Variants in PAQR5 observed in about 807,000 individuals in gnomAD.
PAQR5 encodes membrane progestin receptor gamma.
PAQR5 carries 20 observed loss-of-function variants against 34.5 expected under a neutral mutation model. That is an observed-to-expected ratio of 0.58 (90% CI 0.41 to 0.84). PAQR5 has a LOEUF of 0.84. Among genes scored for constraint, PAQR5 ranks in the 40% least tolerant of loss-of-function variants. PAQR5 has a pLI of 0.00. For synonymous variants in PAQR5, 131 were observed against 155.6 expected (o/e 0.84, Z 1.18); for missense variants, 378 against 412.7 (o/e 0.92, Z 0.73).
intron 1 of PAQR5, among the ~76,000 whole-genome samples, chr15:69,319,153 A>G (rs530898151): frequency 1.4e-5 from 1 of 73,286 alleles, no homozygotes; most frequent in South Asian, 5.3e-4. Flanking sequence ...ATATATAAAT[A>G]TATACATATA....
intron 1 of PAQR5, among the ~76,000 whole-genome samples, chr15:69,299,428 TA>T (rs1265296854): frequency 6.6e-6 from 1 of 151,146 alleles, no homozygotes; most frequent in African/African-American, 2.4e-5. Context: ...CCCACTTTAA[TA>T]AAACCCTTGG....
intron 2 of PAQR5, among the ~76,000 whole-genome samples, chr15:69,341,560 T>C (rs1446402226): frequency 3.9e-5 from 6 of 152,084 alleles, no homozygotes; most frequent in South Asian, 2.1e-4. Flanking sequence ...TCCTGTAGTA[T>C]AGATATACCA....
At chr15:69,306,977 A>G (rs1265953688) in intron 1 of PAQR5, among the ~76,000 whole-genome samples, 2 of 152,158 alleles carry the variant, frequency 1.3e-5, no homozygotes, top group African/African-American at 4.8e-5. Context: ...CACTTAGCAT[A>G]GTGTCTTCAC....
At chr15:69,324,981 C>T (rs1305883672) in intron 1 of PAQR5, among the ~76,000 whole-genome samples, 1 of 151,138 alleles carries the variant, frequency 6.6e-6, no homozygotes, top group Non-Finnish European at 1.5e-5. Flanking sequence ...ACATTACAAT[C>T]TCTTCCTCCC....
At chr15:69,335,138 C>A (rs550149861) in intron 1 of PAQR5, among the ~76,000 whole-genome samples, 1 of 150,498 alleles carries the variant, frequency 6.6e-6, no homozygotes, top group African/African-American at 2.4e-5. Flanking sequence ...GCAGGAGAAT[C>A]GTTTGAACCC....
chr15:69,315,645 T>C (rs2053928568), intron 1 of PAQR5, among the ~76,000 whole-genome samples: 1 of 152,246 alleles, frequency 6.6e-6, no homozygotes. Flanking sequence ...ACTGGCACTT[T>C]CCACCTCACA....
Position 69,322,387 on chromosome 15 carries a change from A to G in PAQR5, c.-276-14954A>G, listed in dbSNP as rs999737865. ...CCTGTAATCCCAGCTACTTAGGAGGATAAGACAGGAGGCAGAGGTTGCAGT... is the reference window on the plus strand; with the variant it reads ...CCTGTAATCCCAGCTACTTAGGAGGGTAAGACAGGAGGCAGAGGTTGCAGT... On this transcript the variant is annotated intron_variant, in intron 1 of 8. Coordinates refer to ENST00000395407, the MANE Select transcript of PAQR5 (RefSeq NM_017705.4). 1.0e-4 allele frequency among the ~76,000 whole-genome samples: 15 copies of G among 149,144 alleles called. 1 individual carries two copies. The highest frequency in any genetic ancestry group is 3.8e-4 in the African/African-American group (15 of 39,836).
At position 69,397,448 on chromosome 15, in the gene PAQR5, A is replaced by G; in HGVS notation, c.513-20A>G. The G allele has an allele frequency of 6.5e-7, 1 of 1,545,872 alleles. No individual in the cohort carries two copies. The highest frequency in any genetic ancestry group is 1.7e-5 in the Admixed American group (1 of 59,936). On this transcript the variant is annotated intron_variant, in intron 6 of 8. Coordinates refer to ENST00000395407, the MANE Select transcript of PAQR5 (RefSeq NM_017705.4). ...ACTCTTTTCATTCCATTTCCTCCCC[A>G]CTTTCCTTCCCTGATTTAGGTTTCT...
At chr15:69,343,428 T>C (rs1307460749) in intron 2 of PAQR5, among the ~76,000 whole-genome samples, 1 of 152,048 alleles carries the variant, frequency 6.6e-6, no homozygotes, top group Non-Finnish European at 1.5e-5. Flanking sequence ...GGGAAAGAAA[T>C]AGAGGCAAAA....
chr15:69,338,087 A>G lies in PAQR5; in HGVS notation c.-116+586A>G, dbSNP rs374727643. On this transcript the variant is annotated intron_variant, in intron 2 of 8. Transcript: ENST00000395407. Reference sequence around the variant, plus strand: ...GCAAGACTCTGTCTCAAAACAAACAAACAAACAAAAAAACCAGAAACAACA... The same window carrying G: ...GCAAGACTCTGTCTCAAAACAAACAGACAAACAAAAAAACCAGAAACAACA... Among the ~76,000 whole-genome samples the G allele has an allele frequency of 3.3e-5, 5 of 152,000 alleles. No homozygotes were observed. The East Asian group carries it at 5.8e-4, about 18-fold the overall frequency.
At chr15:69,336,120 T>C (rs2140701515) in intron 1 of PAQR5, among the ~76,000 whole-genome samples, 1 of 152,332 alleles carries the variant, frequency 6.6e-6, no homozygotes, top group East Asian at 1.9e-4. Context: ...GTCTCCTCTA[T>C]CAGAGTAAAG....
intron 2 of PAQR5, among the ~76,000 whole-genome samples, chr15:69,356,822 T>A (rs1423153715): frequency 6.6e-6 from 1 of 152,188 alleles, no homozygotes; most frequent in Non-Finnish European, 1.5e-5. Flanking sequence ...AGAATTTCCT[T>A]CCTTTTTAAG....
chr15:69,343,484 C>T (rs1427281436), intron 2 of PAQR5, among the ~76,000 whole-genome samples: 1 of 152,186 alleles, frequency 6.6e-6, no homozygotes, highest in Non-Finnish European at 1.5e-5. Context: ...TATGGTCTTC[C>T]ACTTGCAAGT....
intron 1 of PAQR5, among the ~76,000 whole-genome samples, chr15:69,330,634 T>A (rs193044732): frequency 4.1e-4 from 63 of 152,162 alleles, no homozygotes; most frequent in African/African-American, 1.4e-3. Flanking sequence ...CGACTCCCTA[T>A]GATTTCATCC....
Position 69,320,049 on chromosome 15 carries a change from G to T in PAQR5, c.-276-17292G>T, listed in dbSNP as rs1025231846. On this transcript the variant is annotated intron_variant, in intron 1 of 8. Coordinates refer to ENST00000395407, the MANE Select transcript of PAQR5 (RefSeq NM_017705.4). The stretch of plus-strand genomic sequence containing the variant: ...TGGAGATAGGATCTCGCCTTCCCCC[G>T]CAGCCAGAGCCTTCCCCGTTGGGGT... Among the ~76,000 whole-genome samples the T allele has an allele frequency of 2.0e-5, 3 of 152,230 alleles. No homozygotes were observed. The East Asian group carries it at 5.8e-4, about 29-fold the overall frequency.
At chr15:69,393,564 A>G (rs1004660391) in intron 6 of PAQR5, among the ~76,000 whole-genome samples, 4 of 151,466 alleles carry the variant, frequency 2.6e-5, no homozygotes, top group Non-Finnish European at 5.9e-5. Flanking sequence ...TGTCTTCTCC[A>G]AGCTTCCTTT....
chr15:69,339,674 T>C (rs1474278401), intron 2 of PAQR5, among the ~76,000 whole-genome samples: 1 of 152,196 alleles, frequency 6.6e-6, no homozygotes. Flanking sequence ...GGTTTCACCA[T>C]GTTGTCCAGG....
chr15:69,311,817 T>C (rs2140546479), intron 1 of PAQR5, among the ~76,000 whole-genome samples: 1 of 152,336 alleles, frequency 6.6e-6, no homozygotes, highest in South Asian at 2.1e-4. Flanking sequence ...ATGTGGGTGA[T>C]ACATTCTTCT....
chr15:69,358,369 G>C (rs1182433754), intron 2 of PAQR5, among the ~76,000 whole-genome samples: 1 of 152,096 alleles, frequency 6.6e-6, no homozygotes, highest in Non-Finnish European at 1.5e-5. Flanking sequence ...GGGCAACCAA[G>C]CTCTGGTCAG....
Sources: gnomAD v4.1 joint callset for allele counts (sites outside exome capture counted in the v4.1 genomes callset) on GRCh38, gnomAD v4.1.1 for gene constraint, MANE v1.5 for transcripts, NCBI Gene and HGNC (gene_info 2026-07-23, HGNC 2026-07-21) for gene names.